The following MYO1D variants were observed in gnomAD, a reference collection of about 807,000 sequenced individuals.
The protein encoded by MYO1D is myosin ID, also known as unconventional myosin-Id.
Under a neutral mutation model 122.0 loss-of-function variants are expected in MYO1D, and 83 were observed. That is an observed-to-expected ratio of 0.68 (90% CI 0.57 to 0.82). The LOEUF is 0.82. MYO1D is among the 40% of genes least tolerant of loss of function. The pLI, the probability that MYO1D is intolerant of heterozygous loss-of-function variation, is 0.00. For synonymous variants in MYO1D, 464 were observed against 446.9 expected (o/e 1.04, Z -0.48); for missense variants, 1,157 against 1,269.5 (o/e 0.91, Z 1.35).
chr17:32,845,093 T>A (rs904195665), intron 1 of MYO1D, among the ~76,000 whole-genome samples: 1 of 152,120 alleles, frequency 6.6e-6, no homozygotes, highest in Non-Finnish European at 1.5e-5. Flanking sequence ...TCGATGGCTA[T>A]TCTGGGTGGT....
intron 14 of MYO1D, among the ~76,000 whole-genome samples, chr17:32,726,618 G>C (rs921733868): frequency 1.5e-4 from 22 of 149,086 alleles, no homozygotes; most frequent in African/African-American, 4.7e-4. Context: ...AGATATAATA[G>C]ATATAGATAT....
intron 1 of MYO1D, among the ~76,000 whole-genome samples, chr17:32,800,148 C>A (rs2090448601): frequency 6.6e-6 from 1 of 152,014 alleles, no homozygotes; most frequent in Admixed American, 6.5e-5. Flanking sequence ...AAACTGAAAA[C>A]AGAATTACCT....
At chr17:32,687,798 C>T (rs1435151029) in intron 16 of MYO1D, among the ~76,000 whole-genome samples, 1 of 152,162 alleles carries the variant, frequency 6.6e-6, no homozygotes, top group Non-Finnish European at 1.5e-5. Flanking sequence ...AATCCAGAAG[C>T]AAATTATTAC....
At chr17:32,516,841 T>C (rs543268583) in intron 21 of MYO1D, among the ~76,000 whole-genome samples, 1 of 152,364 alleles carries the variant, frequency 6.6e-6, no homozygotes, top group South Asian at 2.1e-4. Flanking sequence ...ACCATTTGGC[T>C]TGTAAGTGGA....
chr17:32,591,167 G>A (rs930324546), intron 21 of MYO1D, among the ~76,000 whole-genome samples: 3 of 152,192 alleles, frequency 2.0e-5, no homozygotes, highest in Non-Finnish European at 4.4e-5. Context: ...CCGTGCACAG[G>A]GAGAGATGGA....
Position 32,494,614 on chromosome 17 carries a change from AG to A in MYO1D, c.*144del. On this transcript the variant is annotated 3_prime_UTR_variant, in exon 22 of 22. Transcript: ENST00000318217. ...AAGATGATACCAAAGGCAGAAAACC[AG>A]GAAGGAAATCTTACAGGGGCGGGGC... The A allele has an allele frequency of 1.0e-6, 1 of 985,772 alleles. No homozygotes were observed. The highest frequency in any genetic ancestry group is 2.6e-5 in the East Asian group (1 of 37,824). 61.1% of individuals were successfully genotyped at this position (985,772 alleles called of 1,614,324 possible).
At chr17:32,677,991 A>T (rs2088847457) in intron 16 of MYO1D, among the ~76,000 whole-genome samples, 3 of 152,188 alleles carry the variant, frequency 2.0e-5, no homozygotes, top group Non-Finnish European at 4.4e-5. Flanking sequence ...GCATAGACAT[A>T]AACCCTGCTG....
chr17:32,838,772 C>T (rs1230803215), intron 1 of MYO1D, among the ~76,000 whole-genome samples: 1 of 152,030 alleles, frequency 6.6e-6, no homozygotes, highest in Admixed American at 6.6e-5. Flanking sequence ...GTCAGGAGTA[C>T]AGTCAAGGAG....
intron 16 of MYO1D, chr17:32,684,118 C>G (rs533827953): frequency 6.5e-6 from 1 of 153,876 alleles, no homozygotes; most frequent in East Asian, 1.9e-4. Flanking sequence ...ACACGGTGCG[C>G]GCACCCACTG....
At chr17:32,531,577 T>C (rs1329897237) in intron 21 of MYO1D, 1 of 152,226 alleles carries the variant, frequency 6.6e-6, no homozygotes, top group Non-Finnish European at 1.5e-5. Flanking sequence ...TGGAAAAAGA[T>C]TCTATAAAGG....
intron 1 of MYO1D, among the ~76,000 whole-genome samples, chr17:32,801,405 G>A (rs1030086091): frequency 2.6e-5 from 4 of 152,224 alleles, no homozygotes; most frequent in Non-Finnish European, 5.9e-5. Flanking sequence ...TCACTGGGCT[G>A]GTGGTGGGGC....
At chr17:32,741,795 C>T (rs1397154594) in intron 13 of MYO1D, among the ~76,000 whole-genome samples, 5 of 152,074 alleles carry the variant, frequency 3.3e-5, no homozygotes, top group African/African-American at 9.6e-5. Context: ...GGGCGGATCA[C>T]GAGGTCAGGA....
chr17:32,767,843 G>T, intron 6 of MYO1D, 91 bp from the exon 7 acceptor site: 2 of 892,584 alleles, frequency 2.2e-6, no homozygotes, highest in Non-Finnish European at 3.5e-6. Flanking sequence ...CCAAGGTTTT[G>T]CCTTCATAGT....
At chr17:32,660,102 T>TCCA (rs2088541476) in intron 16 of MYO1D, among the ~76,000 whole-genome samples, 2 of 152,128 alleles carry the variant, frequency 1.3e-5, no homozygotes, top group South Asian at 4.1e-4. Context: ...GTATATCCTC[T>TCCA]CCACCACCAC....
Position 32,749,012 on chromosome 17 carries a change from G to A in MYO1D, c.1468-6C>T, listed in dbSNP as rs73281835. On this transcript the variant is annotated splice_polypyrimidine_tract_variant and splice_region_variant and intron_variant, in intron 11 of 21. Transcript: ENST00000318217. ...ATTTTGTCTGAGGCACAGAGCTAAG[G>A]AATCAAGAAGGATATTATTTTGAAA... 8.0e-3 allele frequency: 12,878 copies of A among 1,608,424 alleles called. 787 individuals carry two copies. The African/African-American group carries it at 0.14, about 17-fold the overall frequency.
intron 1 of MYO1D, among the ~76,000 whole-genome samples, chr17:32,830,654 A>C (rs527650347): frequency 6.6e-6 from 1 of 152,162 alleles, no homozygotes; most frequent in South Asian, 2.1e-4. Context: ...AGCAGAAAAA[A>C]CTCTGGGCAG....
At chr17:32,825,260 T>G in intron 1 of MYO1D, among the ~76,000 whole-genome samples, 1 of 152,230 alleles carries the variant, frequency 6.6e-6, no homozygotes, top group Middle Eastern at 3.4e-3. Flanking sequence ...TTCAGGATGA[T>G]TTTTCATTTC....
At chr17:32,644,657 A>G (rs889335714) in intron 19 of MYO1D, among the ~76,000 whole-genome samples, 1 of 151,960 alleles carries the variant, frequency 6.6e-6, no homozygotes, top group Non-Finnish European at 1.5e-5. Flanking sequence ...TGATCCCTTT[A>G]CCATTATGTA....
chr17:32,589,951 A>G (rs1483231750), intron 21 of MYO1D, among the ~76,000 whole-genome samples: 1 of 152,102 alleles, frequency 6.6e-6, no homozygotes, highest in African/African-American at 2.4e-5. Flanking sequence ...TCTTTTTGGC[A>G]TGTGGGGCCC....
Sources: gnomAD v4.1 joint callset for allele counts (sites outside exome capture counted in the v4.1 genomes callset) on GRCh38, gnomAD v4.1.1 for gene constraint, MANE v1.5 for transcripts, NCBI Gene and HGNC (gene_info 2026-07-23, HGNC 2026-07-21) for gene names.